Variants in CLNK observed in about 807,000 individuals in gnomAD.
CLNK encodes the protein cytokine dependent hematopoietic cell linker.
In CLNK, 74 loss-of-function variants were observed where a neutral mutation model predicts 68.6. The ratio of observed to expected loss-of-function variants is 1.08; its 90% confidence interval spans 0.89 to 1.31. CLNK has a LOEUF of 1.31. CLNK is among the 50% of genes most tolerant of loss of function. The pLI, the probability that CLNK is intolerant of heterozygous loss-of-function variation, is 0.00. For synonymous variants in CLNK, 198 were observed against 172.2 expected, an observed-to-expected ratio of 1.15 and a Z score of -1.17; for missense variants, 553 against 515.3, an observed-to-expected ratio of 1.07 and a Z score of -0.71.
intron 2 of CLNK, among the ~76,000 whole-genome samples, chr4:10,661,949 C>T (rs1325699591): frequency 1.3e-5 from 2 of 152,170 alleles, no homozygotes; most frequent in Non-Finnish European, 2.9e-5. Context: ...CGAATCTCTC[C>T]ACCTCTAAAT....
the CLNK span, among the ~76,000 whole-genome samples, chr4:10,733,372 G>A: frequency 1.3e-5 from 2 of 152,218 alleles, no homozygotes; most frequent in African/African-American, 4.8e-5. Flanking sequence ...CATCAGTCCT[G>A]GGCCAGGTGA....
At chr4:10,579,395 T>TGA (rs60553390) in intron 4 of CLNK, among the ~76,000 whole-genome samples, 33,018 of 151,332 alleles carry the variant, frequency 0.22, 3,758 homozygotes, top group Middle Eastern at 0.28. Flanking sequence ...AAGAGGGGAA[T>TGA]GAGAGAGAGA....
At chr4:10,685,270 T>C (rs181321176), upstream of CLNK, among the ~76,000 whole-genome samples, 605 of 152,282 alleles carry the variant, frequency 4.0e-3, 7 homozygotes, top group African/African-American at 0.014. Context: ...AGTTTATTTC[T>C]CAAGTAGTTT....
the CLNK span, among the ~76,000 whole-genome samples, chr4:10,702,125 T>C: frequency 6.6e-6 from 1 of 152,212 alleles, no homozygotes; most frequent in Non-Finnish European, 1.5e-5. Context: ...CCATTGAAGA[T>C]GTTTTACATA....
chr4:10,503,454 C>A (rs1472300924), intron 17 of CLNK, among the ~76,000 whole-genome samples: 2 of 147,532 alleles, frequency 1.4e-5, no homozygotes, highest in Non-Finnish European at 1.5e-5. Context: ...AGAGTGAGAC[C>A]CTGTCTCAAA....
At chr4:10,595,378 T>C (rs138849510) in intron 3 of CLNK, among the ~76,000 whole-genome samples, 42 of 152,340 alleles carry the variant, frequency 2.8e-4, no homozygotes, top group African/African-American at 9.6e-4. Context: ...TCTTTCATTA[T>C]AGACATGAGG....
the CLNK span, among the ~76,000 whole-genome samples, chr4:10,725,986 T>C: frequency 6.6e-6 from 1 of 152,200 alleles, no homozygotes; most frequent in East Asian, 1.9e-4. Flanking sequence ...TAGAAATATA[T>C]TGTCTCACAG....
intron 18 of CLNK, among the ~76,000 whole-genome samples, chr4:10,492,482 C>G (rs1479710719): frequency 6.6e-6 from 1 of 152,264 alleles, no homozygotes; most frequent in East Asian, 1.9e-4. Context: ...CTGTTGGGAG[C>G]AGGCAGAAAA....
At chr4:10,520,923 G>A (rs1316244162) in intron 14 of CLNK, 92 bp from the exon 15 acceptor site, 2 of 891,748 alleles carry the variant, frequency 2.2e-6, no homozygotes, top group African/African-American at 1.7e-5. Context: ...ATAATAGCCT[G>A]AAGTCACAGT....
intron 1 of CLNK, among the ~76,000 whole-genome samples, chr4:10,674,061 G>C (rs1268034518): frequency 2.0e-5 from 3 of 152,200 alleles, no homozygotes; most frequent in African/African-American, 7.2e-5. Flanking sequence ...AGTTTTGCTT[G>C]TGGAACCCGG....
At chr4:10,610,427 A>C (rs1721968031) in intron 2 of CLNK, among the ~76,000 whole-genome samples, 1 of 151,916 alleles carries the variant, frequency 6.6e-6, no homozygotes, top group Admixed American at 6.5e-5. Flanking sequence ...AAAACAAGAA[A>C]ATAATCCTGA....
intron 10 of CLNK, 75 bp downstream of exon 10, chr4:10,541,947 G>T: frequency 9.1e-7 from 1 of 1,100,978 alleles, no homozygotes; most frequent in Non-Finnish European, 1.3e-6. Flanking sequence ...AAATGTTTGT[G>T]TTTCTCTTTT....
At chr4:10,570,973 C>G (rs1321676497) in intron 5 of CLNK, among the ~76,000 whole-genome samples, 1 of 152,096 alleles carries the variant, frequency 6.6e-6, no homozygotes, top group Non-Finnish European at 1.5e-5. Flanking sequence ...AGTATCAGTA[C>G]ATATTTTAGA....
intron 8 of CLNK, among the ~76,000 whole-genome samples, chr4:10,554,590 TG>T (rs1004366144): frequency 1.1e-4 from 17 of 152,258 alleles, no homozygotes; most frequent in Admixed American, 6.5e-4. Flanking sequence ...AGTGATTTCA[TG>T]AAGTTAATAA....
rs761422989 is a variant in CLNK at position 10,513,576 on chromosome 4, G to A, written c.794C>T (p.Pro265Leu). Residue 265 changes from proline to leucine, a missense_variant, in exon 16 of 19, where the codon CCC becomes CTC. Physicochemically the swap from Pro to Leu is moderately conservative, Grantham distance 98. Transcript: ENST00000226951. ...AGGCTGGCATCTCTGAGGAGAACAG[G>A]GCTGCATGCCTCCTCTATGATCTGG... The part of the protein sequence containing the change: ...QNRDHRGGMQ[P>L]CSPQRCQPPA... The A allele has an allele frequency of 1.2e-6, 2 of 1,604,142 alleles. No individual in the cohort carries two copies. Among genetic ancestry groups the A allele is most frequent in the Non-Finnish European group, 1.7e-6 (2 of 1,175,298 alleles).
intron 5 of CLNK, among the ~76,000 whole-genome samples, chr4:10,570,712 T>C (rs990088673): frequency 6.6e-6 from 1 of 152,222 alleles, no homozygotes; most frequent in Non-Finnish European, 1.5e-5. Flanking sequence ...CATCTGCCTA[T>C]CTAATCTATA....
intron 2 of CLNK, among the ~76,000 whole-genome samples, chr4:10,647,196 A>G (rs1723546578): frequency 6.6e-6 from 1 of 152,162 alleles, no homozygotes; most frequent in Non-Finnish European, 1.5e-5. Context: ...AAGTTACCAC[A>G]AAAACTTGTT....
chr4:10,673,281 C>A (rs1044591105), intron 1 of CLNK, among the ~76,000 whole-genome samples: 2 of 131,976 alleles, frequency 1.5e-5, no homozygotes, highest in African/African-American at 5.7e-5. Flanking sequence ...AAAAATATGC[C>A]CCAGAGGGAT....
rs532214938 is a variant in CLNK, at chr4:10,599,971, C to T, written c.12-1922G>A. 5.9e-5 allele frequency among the ~76,000 whole-genome samples: 9 copies of T among 152,306 alleles called. No homozygotes were observed. The South Asian group carries it at 1.9e-3, about 32-fold the overall frequency. On this transcript the variant is annotated intron_variant, in intron 2 of 18. Transcript: ENST00000226951. The stretch of plus-strand genomic sequence containing the variant: ...TTAATAGCAGAATATTATCAAGTCA[C>T]CTCCTTGAGAATCCTCATCAGTTCT...
Sources: gnomAD v4.1 joint callset for allele counts (sites outside exome capture counted in the v4.1 genomes callset) on GRCh38, gnomAD v4.1.1 for gene constraint, MANE v1.5 for transcripts, NCBI Gene and HGNC (gene_info 2026-07-23, HGNC 2026-07-21) for gene names.